NSMCE2: variants seen among roughly 807,000 people sequenced by gnomAD.
The protein encoded by NSMCE2 is NSE2 SUMO ligase component of SMC5/6 complex.
In NSMCE2, 24 loss-of-function variants were observed where a neutral mutation model predicts 23.8. The observed-to-expected ratio is 1.01, with a 90% CI of 0.73 to 1.42. NSMCE2 has a LOEUF of 1.42. Among genes scored for constraint, NSMCE2 ranks in the 40% most tolerant of loss-of-function variants. NSMCE2 has a pLI of 0.00. For missense variants in NSMCE2, 284 were observed against 296.5 expected (o/e 0.96, Z 0.31); for synonymous variants, 92 against 94.1 (o/e 0.98, Z 0.13).
intron 5 of NSMCE2, among the ~76,000 whole-genome samples, chr8:125,239,737 T>C (rs1302644159): frequency 6.6e-6 from 1 of 151,856 alleles, no homozygotes; most frequent in Non-Finnish European, 1.5e-5. Flanking sequence ...AGGCTGAACA[T>C]AACATTTGTA....
At chr8:125,259,846 A>G (rs1826611274) in intron 5 of NSMCE2, among the ~76,000 whole-genome samples, 1 of 152,210 alleles carries the variant, frequency 6.6e-6, no homozygotes, top group South Asian at 2.1e-4. Flanking sequence ...CATACTGCTA[A>G]TAAATGGATG....
chr8:125,127,263 T>G (rs1563666338), intron 3 of NSMCE2, among the ~76,000 whole-genome samples: 1 of 152,166 alleles, frequency 6.6e-6, no homozygotes, highest in Non-Finnish European at 1.5e-5. Flanking sequence ...GAAAAAGAAT[T>G]TAAAGTGTAT....
intron 5 of NSMCE2, among the ~76,000 whole-genome samples, chr8:125,332,094 C>T (rs1284886851): frequency 6.6e-6 from 1 of 152,152 alleles, no homozygotes; most frequent in African/African-American, 2.4e-5. Context: ...TTCAAGGGCA[C>T]AAGCAAATCG....
intron 5 of NSMCE2, among the ~76,000 whole-genome samples, chr8:125,335,858 T>C (rs1830050491): frequency 6.6e-6 from 1 of 152,126 alleles, no homozygotes; most frequent in African/African-American, 2.4e-5. Flanking sequence ...TCAAAGTGAA[T>C]AGGTAGGTTG....
intron 5 of NSMCE2, among the ~76,000 whole-genome samples, chr8:125,289,133 C>T (rs1448833731): frequency 6.6e-6 from 1 of 152,200 alleles, no homozygotes; most frequent in Non-Finnish European, 1.5e-5. Context: ...CCAAGGCCTA[C>T]AGCAGTACCT....
At chr8:125,295,919 G>T (rs1291630146) in intron 5 of NSMCE2, among the ~76,000 whole-genome samples, 1 of 152,110 alleles carries the variant, frequency 6.6e-6, no homozygotes, top group Non-Finnish European at 1.5e-5. Context: ...CCCTACTGAA[G>T]ATCTTAAACT....
At chr8:125,175,086 T>A (rs964975287) in intron 4 of NSMCE2, among the ~76,000 whole-genome samples, 2 of 152,208 alleles carry the variant, frequency 1.3e-5, no homozygotes, top group African/African-American at 2.4e-5. Context: ...GCATGATGAT[T>A]CTCAGCTTGG....
intron 5 of NSMCE2, among the ~76,000 whole-genome samples, chr8:125,252,052 A>T (rs987119732): frequency 5.9e-5 from 9 of 152,206 alleles, no homozygotes; most frequent in African/African-American, 1.9e-4. Context: ...ATACTTACAG[A>T]TGTCATCTGG....
intron 5 of NSMCE2, among the ~76,000 whole-genome samples, chr8:125,185,349 C>G (rs1183327407): frequency 6.6e-6 from 1 of 151,962 alleles, no homozygotes; most frequent in Non-Finnish European, 1.5e-5. Context: ...CTTTGTTACC[C>G]AGGCTGGAGT....
intron 5 of NSMCE2, among the ~76,000 whole-genome samples, chr8:125,347,716 G>A (rs979434708): frequency 1.3e-5 from 2 of 152,168 alleles, no homozygotes. Context: ...ATAGACAGTG[G>A]ATATTATGAG....
chr8:125,201,629 A>C (rs1823880202), intron 5 of NSMCE2, among the ~76,000 whole-genome samples: 1 of 152,216 alleles, frequency 6.6e-6, no homozygotes, highest in African/African-American at 2.4e-5. Flanking sequence ...GTTGTCTTCC[A>C]GTTAGGCTAC....
intron 5 of NSMCE2, among the ~76,000 whole-genome samples, chr8:125,238,867 C>G (rs1825657817): frequency 6.6e-6 from 1 of 152,176 alleles, no homozygotes; most frequent in Non-Finnish European, 1.5e-5. Flanking sequence ...CAGTAAGACA[C>G]TGTGGGGTTA....
chr8:125,139,941 G>T (rs1160946705), intron 3 of NSMCE2, among the ~76,000 whole-genome samples: 1 of 152,182 alleles, frequency 6.6e-6, no homozygotes, highest in Non-Finnish European at 1.5e-5. Context: ...CTCCTCAGGT[G>T]TAGATGTTTT....
In NSMCE2 at chr8:125,257,522, CTTTTTTTTTTTTT is replaced by C. The variant is rs1174718163; in HGVS notation, c.418+75281_418+75293del. On this transcript the variant is annotated intron_variant, in intron 5 of 7. Transcript: ENST00000287437. ...CCAAGCTGGACAAAACCAAATTTCT[CTTTTTTTTTTTTT>C]TTTTTTTTTTTTTTCTGAGACGGAG... 8.9e-4 allele frequency among the ~76,000 whole-genome samples: 75 copies of C among 84,634 alleles called. 2 individuals are homozygous for C. The highest frequency in any genetic ancestry group is 3.3e-3 in the African/African-American group (67 of 20,342). 55.5% of individuals were successfully genotyped at this position (84,634 alleles called of 152,430 possible). A position where few individuals can be genotyped will look rare whatever the true frequency, so the allele number is the denominator to read the frequency against.
At chr8:125,289,100 G>A (rs1342953942) in intron 5 of NSMCE2, among the ~76,000 whole-genome samples, 1 of 152,100 alleles carries the variant, frequency 6.6e-6, no homozygotes, top group Admixed American at 6.6e-5. Flanking sequence ...TTTTCCCCCA[G>A]TCTTTAATTC....
intron 5 of NSMCE2, among the ~76,000 whole-genome samples, chr8:125,209,463 T>C (rs2130881493): frequency 6.6e-6 from 1 of 152,302 alleles, no homozygotes; most frequent in East Asian, 1.9e-4. Context: ...ATTTAAACTA[T>C]TTTGAGAAGG....
chr8:125,290,880 G>C (rs1828080890), intron 5 of NSMCE2, among the ~76,000 whole-genome samples: 1 of 152,154 alleles, frequency 6.6e-6, no homozygotes, highest in South Asian at 2.1e-4. Flanking sequence ...TAGATTTATT[G>C]TCTTTTTCCT....
intron 5 of NSMCE2, among the ~76,000 whole-genome samples, chr8:125,324,518 C>A (rs1160260596): frequency 8.2e-3 from 398 of 48,750 alleles, no homozygotes; most frequent in Middle Eastern, 0.036. Context: ...GGTGCCAGAC[C>A]AAAAAAAAAA....
chr8:125,240,741 C>T (rs1345753004), intron 5 of NSMCE2, among the ~76,000 whole-genome samples: 1 of 151,774 alleles, frequency 6.6e-6, no homozygotes, highest in African/African-American at 2.4e-5. Flanking sequence ...TTGTAATGCA[C>T]TTAGCATATT....
Sources: gnomAD v4.1 joint callset for allele counts (sites outside exome capture counted in the v4.1 genomes callset) on GRCh38, gnomAD v4.1.1 for gene constraint, MANE v1.5 for transcripts, NCBI Gene and HGNC (gene_info 2026-07-23, HGNC 2026-07-21) for gene names.